Variants in KANK1 observed in about 807,000 individuals in gnomAD.
The protein encoded by KANK1 is KN motif and ankyrin repeat domain-containing protein 1.
A neutral mutation model predicts 106.2 loss-of-function variants in KANK1; 109 were observed. That is an observed-to-expected ratio of 1.03 (90% CI 0.88 to 1.20). KANK1 has a LOEUF of 1.20. KANK1 is among the 50% of genes most tolerant of loss of function. The pLI is 0.00. For missense variants in KANK1, 2,399 were observed against 1,710.7 expected (o/e 1.40, Z -7.10); for synonymous variants, 873 against 652.2 (o/e 1.34, Z -5.16).
intron 1 of KANK1, among the ~76,000 whole-genome samples, chr9:651,363 TAC>T (rs1238743790): frequency 6.6e-6 from 1 of 152,226 alleles, no homozygotes; most frequent in East Asian, 1.9e-4. Context: ...TTTTATATAA[TAC>T]AGAGTTGGCT....
intron 1 of KANK1, among the ~76,000 whole-genome samples, chr9:615,456 C>T (rs1831580072): frequency 6.6e-6 from 1 of 151,996 alleles, no homozygotes; most frequent in African/African-American, 2.4e-5. Flanking sequence ...TTTGAGTACC[C>T]ACATTTTAAA....
chr9:728,198 CTTTT>C (rs981638729), intron 3 of KANK1, among the ~76,000 whole-genome samples: 15 of 151,734 alleles, frequency 9.9e-5, no homozygotes, highest in Non-Finnish European at 2.1e-4. Context: ...TGTTTTGTTT[CTTTT>C]GTTTTCTTGA....
At chr9:632,427 T>C (rs1170850387) in intron 1 of KANK1, among the ~76,000 whole-genome samples, 2 of 152,196 alleles carry the variant, frequency 1.3e-5, no homozygotes, top group Non-Finnish European at 2.9e-5. Flanking sequence ...GAAAATATTT[T>C]AAAAACTGGT....
intron 8 of KANK1, among the ~76,000 whole-genome samples, chr9:739,362 C>G (rs1220879782): frequency 2.0e-5 from 3 of 152,202 alleles, no homozygotes; most frequent in Admixed American, 2.0e-4. Context: ...GTCCAATTTT[C>G]TGAAATTCTG....
chr9:719,877 A>G (rs1217193474), intron 3 of KANK1, among the ~76,000 whole-genome samples: 1 of 152,152 alleles, frequency 6.6e-6, no homozygotes, highest in Non-Finnish European at 1.5e-5. Context: ...CCCACCTTCC[A>G]GCTCTAGTTT....
At position 727,734 on chromosome 9, in the gene KANK1, A is replaced by G. The variant is rs150681665; in HGVS notation, c.2699-2317A>G. Among the ~76,000 whole-genome samples the G allele has an allele frequency of 5.9e-3, 848 of 142,920 alleles. 12 individuals are homozygous for G. The highest frequency in any genetic ancestry group is 0.023 in the African/African-American group (802 of 34,860). The allele number at this position is 142,920 out of a possible 152,430, so 93.8% of individuals were successfully genotyped here. On this transcript the variant is annotated intron_variant, in intron 3 of 11. Transcript: ENST00000382297. ...TGTGTGTGTATGTGTGTGTGTGGTA[A>G]TGTATTTTAATAGGATCACACAATA... is the stretch of plus-strand genomic sequence containing the variant.
chr9:615,652 A>T (rs1174217415), intron 1 of KANK1, among the ~76,000 whole-genome samples: 2 of 152,102 alleles, frequency 1.3e-5, no homozygotes, highest in Admixed American at 6.5e-5. Context: ...CTTTCAGTTT[A>T]TTTTCCCTGG....
intron 1 of KANK1, among the ~76,000 whole-genome samples, chr9:589,317 C>T (rs1410530334): frequency 1.3e-5 from 2 of 152,146 alleles, no homozygotes; most frequent in Non-Finnish European, 2.9e-5. Flanking sequence ...TGAATGTGTA[C>T]TCTGGGCCTT....
Position 732,464 on chromosome 9 carries a change from C to G in KANK1, c.3092C>G (p.Pro1031Arg), listed in dbSNP as rs1832568654. Residue 1031 changes from proline to arginine, a missense_variant, in exon 6 of 12, where the codon CCT (proline) becomes CGT (arginine). Coordinates refer to ENST00000382297, the MANE Select transcript of KANK1 (RefSeq NM_015158.5). ...GACGAGTGTGATGTCATTGAGTATC[C>G]TCTTGAAGAAGAGGAGGAGGAGGAG... ...SDDECDVIEY[P>R]LEEEEEEEDE... The G allele has an allele frequency of 1.2e-6, 2 of 1,613,922 alleles. No individual in the cohort carries two copies. The highest frequency in any genetic ancestry group is 1.3e-5 in the African/African-American group (1 of 74,876).
At chr9:686,116 C>G (rs1588903644) in intron 2 of KANK1, among the ~76,000 whole-genome samples, 1 of 152,310 alleles carries the variant, frequency 6.6e-6, no homozygotes, top group East Asian at 1.9e-4. Flanking sequence ...AAAAACCCTA[C>G]TCATGTGCAT....
At chr9:648,882 G>A (rs1840290852) in intron 1 of KANK1, among the ~76,000 whole-genome samples, 1 of 152,206 alleles carries the variant, frequency 6.6e-6, no homozygotes, top group South Asian at 2.1e-4. Context: ...ATCCAGGGAT[G>A]AGACTCTAGT....
chr9:711,221 T>C lies in KANK1; in HGVS notation c.455T>C (p.Leu152Pro), dbSNP rs1377852354. 1 of 1,614,030 alleles carries C rather than the reference T, an allele frequency of 6.2e-7. No individual in the cohort carries two copies. Among genetic ancestry groups the C allele is most frequent in the Non-Finnish European group, 8.5e-7 (1 of 1,179,988 alleles). ...TCACCACAACTCCCAAAGCATAACC[T>C]TCATGTCACCAAGACACTGATGGAG... ...PPSPQLPKHN[L>P]HVTKTLMETR... Residue 152 changes from leucine to proline, a missense_variant, in exon 3 of 12, where the codon CTT (leucine) becomes CCT (proline). Leu to Pro is a moderately conservative substitution (Grantham distance 98). Transcript: ENST00000382297.
chr9:742,797 G>C (rs77496123), intron 10 of KANK1, among the ~76,000 whole-genome samples: 1 of 152,136 alleles, frequency 6.6e-6, no homozygotes, highest in African/African-American at 2.4e-5. Context: ...GGGGTTACAC[G>C]GTGACTAAAA....
chr9:579,919 C>T (rs1410639620), intron 1 of KANK1, among the ~76,000 whole-genome samples: 2 of 152,152 alleles, frequency 1.3e-5, no homozygotes, highest in African/African-American at 2.4e-5. Context: ...TATGACTCCA[C>T]CCCATGAGGC....
chr9:579,739 G>C (rs2135230203), intron 1 of KANK1, among the ~76,000 whole-genome samples: 1 of 152,264 alleles, frequency 6.6e-6, no homozygotes, highest in South Asian at 2.1e-4. Context: ...AGCTTGCATA[G>C]ATGGAACAAA....
intron 6 of KANK1, 73 bp downstream of exon 6, chr9:732,690 C>A: frequency 6.6e-7 from 1 of 1,523,890 alleles, no homozygotes; most frequent in Non-Finnish European, 8.9e-7. Context: ...TTGGCCAGTT[C>A]AGAGCTTTTG....
In KANK1 at chr9:712,511, C is replaced by CT; in HGVS notation, c.1746dup (p.Gly583TrpfsTer8). 5 of 1,614,140 alleles carry CT rather than the reference C, an allele frequency of 3.1e-6. No homozygotes were observed. Among genetic ancestry groups the CT allele is most frequent in the Non-Finnish European group, 4.2e-6 (5 of 1,180,030 alleles). On this transcript the variant is annotated frameshift_variant, in exon 3 of 12. Coordinates refer to ENST00000382297, the MANE Select transcript of KANK1 (RefSeq NM_015158.5). LOFTEE classifies it high-confidence loss of function. ...AGGGTGGAAATGCATGACCGATGTG[C>CT]TGGGAGGTCTGTGGAAATGTGTGAC...
chr9:573,114 G>A (rs1271570689), intron 1 of KANK1, among the ~76,000 whole-genome samples: 2 of 152,190 alleles, frequency 1.3e-5, no homozygotes, highest in Non-Finnish European at 2.9e-5. Context: ...TGCTGCTGCA[G>A]TCAGTCAAGT....
chr9:563,240 G>A (rs965780215), intron 1 of KANK1, among the ~76,000 whole-genome samples: 1 of 150,464 alleles, frequency 6.6e-6, no homozygotes, highest in East Asian at 1.9e-4. Flanking sequence ...AATTTTATGT[G>A]TAGCCCTCCC....
Sources: gnomAD v4.1 joint callset for allele counts (sites outside exome capture counted in the v4.1 genomes callset) on GRCh38, gnomAD v4.1.1 for gene constraint, MANE v1.5 for transcripts, NCBI Gene and HGNC (gene_info 2026-07-23, HGNC 2026-07-21) for gene names.